Variants in RABGAP1L observed in about 807,000 individuals in gnomAD.
The protein encoded by RABGAP1L is rab GTPase-activating protein 1-like.
A neutral mutation model predicts 137.7 loss-of-function variants in RABGAP1L; 63 were observed. The ratio of observed to expected loss-of-function variants is 0.46; its 90% CI spans 0.37 to 0.56. RABGAP1L has a LOEUF of 0.56. Ranked by LOEUF, RABGAP1L falls within the 20% of genes least tolerant of loss-of-function variation. The pLI, the probability that RABGAP1L is intolerant of heterozygous loss-of-function variation, is 0.00. For synonymous variants in RABGAP1L, 431 were observed against 433.7 expected, an observed-to-expected ratio of 0.99 and a Z score of 0.08; for missense variants, 1,095 against 1,244.0, an observed-to-expected ratio of 0.88 and a Z score of 1.80.
chr1:174,444,222 TTTTGAAAGGGA>T (rs1463734267), intron 13 of RABGAP1L, among the ~76,000 whole-genome samples: 3 of 151,964 alleles, frequency 2.0e-5, no homozygotes, highest in African/African-American at 7.2e-5. Flanking sequence ...GTCATTGGTA[TTTTGAAAGGGA>T]TTACATTAAA....
chr1:174,537,218 C>T (rs960318180), intron 13 of RABGAP1L, among the ~76,000 whole-genome samples: 2 of 152,094 alleles, frequency 1.3e-5, no homozygotes, highest in African/African-American at 4.8e-5. Context: ...ATGTGGGTGG[C>T]AGTTGAATGA....
chr1:174,407,151 C>T (rs558049317), intron 13 of RABGAP1L, among the ~76,000 whole-genome samples: 1 of 152,202 alleles, frequency 6.6e-6, no homozygotes, highest in East Asian at 1.9e-4. Context: ...AAGGGATAGG[C>T]AGCTGATACC....
At chr1:174,243,307 T>C (rs1028835547) in intron 5 of RABGAP1L, 11 of 152,118 alleles carry the variant, frequency 7.2e-5, no homozygotes, top group Non-Finnish European at 1.3e-4. Flanking sequence ...CCAGACCATT[T>C]TGGATATAGT....
chr1:174,849,994 C>A (rs914930551), intron 19 of RABGAP1L: 2 of 699,782 alleles, frequency 2.9e-6, no homozygotes, highest in South Asian at 1.3e-5. Context: ...AGCAGCTTGT[C>A]ATCTTTATGA....
At chr1:174,243,904 T>G (rs1205474614) in intron 5 of RABGAP1L, among the ~76,000 whole-genome samples, 1 of 152,252 alleles carries the variant, frequency 6.6e-6, no homozygotes, top group African/African-American at 2.4e-5. Flanking sequence ...TTCCTGTTGC[T>G]TACATATTAT....
chr1:174,488,033 T>G (rs1197480624), intron 13 of RABGAP1L, among the ~76,000 whole-genome samples: 1 of 152,206 alleles, frequency 6.6e-6, no homozygotes, highest in Non-Finnish European at 1.5e-5. Context: ...TATTTTAATC[T>G]TTCTATTTAA....
At chr1:174,434,862 T>C (rs1401804566) in intron 13 of RABGAP1L, among the ~76,000 whole-genome samples, 1 of 152,210 alleles carries the variant, frequency 6.6e-6, no homozygotes, top group Non-Finnish European at 1.5e-5. Context: ...AGGAGTCAGT[T>C]ATATATTTTG....
rs570086146 is a variant in RABGAP1L at position 174,431,146 on chromosome 1, C to T, written c.1710+37001C>T. Among the ~76,000 whole-genome samples, 96 of 152,186 alleles carry T rather than the reference C, an allele frequency of 6.3e-4. 1 individual carries two copies. In the South Asian group the frequency reaches 0.019, roughly 31 times the overall value. ...CCATTATTTAAAATGGGTCTGTGCT[C>T]TTCTGTTTTCATACAATTTTAGCAG... On this transcript the variant is annotated intron_variant, in intron 13 of 25. Transcript: ENST00000681986.
chr1:174,534,794 A>T (rs1384852041), intron 13 of RABGAP1L, among the ~76,000 whole-genome samples: 1 of 127,234 alleles, frequency 7.9e-6, no homozygotes, highest in Non-Finnish European at 1.8e-5. Flanking sequence ...AAAAAAAAAA[A>T]AAAAAAAAAA....
chr1:174,176,731 A>T lies in RABGAP1L; in HGVS notation c.-34+17074A>T, dbSNP rs140372954. On this transcript the variant is annotated intron_variant, in intron 1 of 25. Coordinates refer to ENST00000681986, the MANE Select transcript of RABGAP1L (RefSeq NM_001366446.1). Reference sequence around the variant, plus strand: ...TTTTTCAGAAAAAAAAAAAAAAAAAAAAAAAAAAAAAAAAAGGTCAACATT... The same window carrying T: ...TTTTTCAGAAAAAAAAAAAAAAAAATAAAAAAAAAAAAAAAGGTCAACATT... 3.3e-3 allele frequency among the ~76,000 whole-genome samples: 303 copies of T among 92,838 alleles called. 18 individuals are homozygous for T. Among genetic ancestry groups the T allele is most frequent in the African/African-American group, 9.9e-3 (287 of 28,898 alleles). The allele number at this position is 92,838 out of a possible 152,430, so 60.9% of individuals were successfully genotyped here.
intron 19 of RABGAP1L, among the ~76,000 whole-genome samples, chr1:174,831,574 T>A (rs1231627109): frequency 6.7e-6 from 1 of 148,356 alleles, no homozygotes; most frequent in African/African-American, 2.5e-5. Context: ...TTGGCCCTAG[T>A]TAATCTGTTC....
At chr1:174,809,332 C>T (rs145164614) in intron 18 of RABGAP1L, among the ~76,000 whole-genome samples, 2 of 152,290 alleles carry the variant, frequency 1.3e-5, no homozygotes, top group African/African-American at 4.8e-5. Flanking sequence ...TCAGCCCCAC[C>T]CTGGTGGGAA....
chr1:174,268,062 G>A (rs1674220654), intron 7 of RABGAP1L, among the ~76,000 whole-genome samples: 1 of 152,130 alleles, frequency 6.6e-6, no homozygotes, highest in Non-Finnish European at 1.5e-5. Context: ...GCCCCTTTGG[G>A]GAGACTGACT....
chr1:174,780,003 T>C (rs570860929), intron 18 of RABGAP1L, among the ~76,000 whole-genome samples: 45 of 150,894 alleles, frequency 3.0e-4, no homozygotes, highest in African/African-American at 1.1e-3. Context: ...GAGGGGGAGA[T>C]TGCAGTGAGC....
chr1:174,207,715 C>T (rs962691004), intron 1 of RABGAP1L, among the ~76,000 whole-genome samples: 1 of 152,054 alleles, frequency 6.6e-6, no homozygotes, highest in South Asian at 2.1e-4. Flanking sequence ...AGACTTGGTC[C>T]CTGCCCATGT....
At chr1:174,678,401 G>T (rs1195777657) in intron 14 of RABGAP1L, among the ~76,000 whole-genome samples, 1 of 151,592 alleles carries the variant, frequency 6.6e-6, no homozygotes, top group Non-Finnish European at 1.5e-5. Flanking sequence ...AATGTGTCAG[G>T]CATTACCAAA....
intron 17 of RABGAP1L, among the ~76,000 whole-genome samples, chr1:174,715,289 A>G (rs1680908525): frequency 6.6e-6 from 1 of 152,196 alleles, no homozygotes; most frequent in Non-Finnish European, 1.5e-5. Context: ...CATTCTTTCA[A>G]TTTATAAATT....
chr1:174,533,294 C>T (rs539533791), intron 13 of RABGAP1L, among the ~76,000 whole-genome samples: 6 of 152,176 alleles, frequency 3.9e-5, no homozygotes, highest in South Asian at 2.1e-4. Flanking sequence ...CTGGTACCAT[C>T]GCTCTTCGTC....
chr1:174,620,349 C>T (rs1672329898), intron 13 of RABGAP1L, among the ~76,000 whole-genome samples: 1 of 152,174 alleles, frequency 6.6e-6, no homozygotes, highest in Non-Finnish European at 1.5e-5. Context: ...CAGCACCACA[C>T]CACACCTAGT....
Sources: gnomAD v4.1 joint callset for allele counts (sites outside exome capture counted in the v4.1 genomes callset) on GRCh38, gnomAD v4.1.1 for gene constraint, MANE v1.5 for transcripts, NCBI Gene and HGNC (gene_info 2026-07-23, HGNC 2026-07-21) for gene names.